SPEN: variants seen among roughly 807,000 people sequenced by gnomAD.
The protein encoded by SPEN is msx2-interacting protein.
Under a neutral mutation model 269.9 loss-of-function variants are expected in SPEN, and 18 were observed. The observed-to-expected ratio is 0.07, with a 90% CI of 0.05 to 0.10. SPEN has a LOEUF of 0.10. SPEN is among the 10% of genes least tolerant of loss of function. SPEN has a pLI of 1.00. For synonymous variants in SPEN, 1,726 were observed against 1,765.7 expected (o/e 0.98, Z 0.56); for missense variants, 3,822 against 4,631.2 (o/e 0.83, Z 5.07).
Position 15,940,340 on chromosome 1 carries a change from C to T in SPEN, c.*913C>T, listed in dbSNP as rs1009813589. 25 of 233,240 alleles carry T rather than the reference C, an allele frequency of 1.1e-4. No individual in the cohort carries two copies. The highest frequency in any genetic ancestry group is 5.1e-4 in the African/African-American group (23 of 45,436). 14.4% of individuals were successfully genotyped at this position (233,240 alleles called of 1,614,324 possible). A position where few individuals can be genotyped will look rare whatever the true frequency, so the allele number is the denominator to read the frequency against. On this transcript the variant is annotated 3_prime_UTR_variant, in exon 15 of 15. Coordinates refer to ENST00000375759, the MANE Select transcript of SPEN (RefSeq NM_015001.3). ...ACTGGCTAACCCCTCTTCCTATTAC[C>T]TTGATCTCTTCCCCCAACTTCCTAA...
chr1:15,879,795 C>G (rs907007775), intron 3 of SPEN, among the ~76,000 whole-genome samples: 1 of 151,872 alleles, frequency 6.6e-6, no homozygotes, highest in Admixed American at 6.6e-5. Flanking sequence ...CTCAGCCTCT[C>G]GAGTAGCTGG....
intron 1 of SPEN, among the ~76,000 whole-genome samples, chr1:15,859,946 C>G (rs2148704743): frequency 9.0e-6 from 1 of 110,678 alleles, no homozygotes; most frequent in South Asian, 3.1e-4. Context: ...GAGTCTTGCT[C>G]TGTCACCCAG....
Position 15,848,181 on chromosome 1 carries a change from G to C in SPEN, c.83+31G>C. The C allele has an allele frequency of 3.6e-6, 5 of 1,405,980 alleles. No homozygotes were observed. Among genetic ancestry groups the C allele is most frequent in the Non-Finnish European group, 4.7e-6 (5 of 1,054,466 alleles). 87.1% of individuals were successfully genotyped at this position (1,405,980 alleles called of 1,614,324 possible). A position where few individuals can be genotyped will look rare whatever the true frequency, so the allele number is the denominator to read the frequency against. On this transcript the variant is annotated intron_variant, in intron 1 of 14. Coordinates refer to ENST00000375759, the MANE Select transcript of SPEN (RefSeq NM_015001.3). The surrounding 1 kb of genome is among the most constrained non-coding windows in gnomAD (Gnocchi z 5.1). ...TGACACGAGGCCCGCGGCCGCGCTC[G>C]CTCCTCGGGCGCCGCTTCCCGCCCC...
chr1:15,908,360 G>A (rs1220905285), intron 3 of SPEN, among the ~76,000 whole-genome samples: 2 of 151,496 alleles, frequency 1.3e-5, no homozygotes, highest in African/African-American at 2.4e-5. Context: ...CACCACACCC[G>A]GCCCTGTTTT....
At chr1:15,903,150 GT>G (rs1389327124) in intron 3 of SPEN, among the ~76,000 whole-genome samples, 1 of 152,144 alleles carries the variant, frequency 6.6e-6, no homozygotes, top group Non-Finnish European at 1.5e-5. Context: ...ATGTAGTTCT[GT>G]TTGTAAAATG....
intron 11 of SPEN, among the ~76,000 whole-genome samples, 173 bp downstream of exon 11, chr1:15,936,439 G>C (rs938771425): frequency 2.0e-5 from 3 of 151,506 alleles, no homozygotes; most frequent in African/African-American, 7.3e-5. Flanking sequence ...CCGGGAGTTC[G>C]AGACCAGCCT....
At position 15,848,050 on chromosome 1, in the gene SPEN, G is replaced by T. The variant is rs2070291255; in HGVS notation, c.-18G>T. On this transcript the variant is annotated 5_prime_UTR_variant, in exon 1 of 15. Coordinates refer to ENST00000375759, the MANE Select transcript of SPEN (RefSeq NM_015001.3). This position sits in a 1 kb window ranked among gnomAD's most constrained non-coding sequence, Gnocchi z 5.1. ...CGAGGGGGAGCCAGCAGCGGCGGTC[G>T]CCGGCACGCCGCCCAGCATGGTCCG... The T allele has an allele frequency of 1.4e-6, 2 of 1,403,106 alleles. No individual in the cohort carries two copies. The highest frequency in any genetic ancestry group is 1.5e-5 in the African/African-American group (1 of 67,982). 86.9% of individuals were successfully genotyped at this position (1,403,106 alleles called of 1,614,324 possible).
chr1:15,932,656 G>A lies in SPEN; in HGVS notation c.6416G>A (p.Ser2139Asn). 6.2e-7 allele frequency: 1 copy of A among 1,613,570 alleles called. No homozygotes were observed. Among genetic ancestry groups the A allele is most frequent in the Non-Finnish European group, 8.5e-7 (1 of 1,179,688 alleles). ...KEDGLSSQLK[S>N]DPVDPDKEPE... ...GATGGTTTATCATCCCAGTTGAAAA[G>A]TGATCCAGTTGATCCAGACAAGGAA... is the stretch of plus-strand genomic sequence containing the variant. The change falls in exon 11 of 15, where the codon AGT becomes AAT. Residue 2139 changes from serine to asparagine, a missense_variant. Around this residue, in one of 16 missense-constraint regions of SPEN, gnomAD observed 727 missense variants for 737.9 expected, o/e 0.99. Coordinates refer to ENST00000375759, the MANE Select transcript of SPEN (RefSeq NM_015001.3). This position sits in a 1 kb window ranked among gnomAD's most constrained non-coding sequence, Gnocchi z 4.2.
In SPEN at chr1:15,867,710, G is replaced by C. The variant is rs570374771; in HGVS notation, c.84-5106G>C. On this transcript the variant is annotated intron_variant, in intron 1 of 14. Transcript: ENST00000375759. ...TTCATCCTCATTATTAGTTGTCATT[G>C]CCTTTTTTTTTTTTTTAGCTGCCCT... is the stretch of plus-strand genomic sequence containing the variant. Among the ~76,000 whole-genome samples the C allele has an allele frequency of 1.3e-4, 19 of 146,362 alleles. No individual in the cohort carries two copies. In the South Asian group the frequency reaches 4.1e-3, roughly 31 times the overall value.
Position 15,930,076 on chromosome 1 carries a change from C to T in SPEN, c.3836C>T (p.Pro1279Leu). 6.2e-7 allele frequency: 1 copy of T among 1,614,188 alleles called. No homozygotes were observed. ...FHEDEDPIGS[P>L]RLLSVKGSPK... ...GAAGATGAGGATCCCATAGGCTCCC[C>T]TAGGCTACTGTCAGTAAAAGGGTCT... The change falls in exon 11 of 15, where the codon CCT (proline) becomes CTT (leucine). Residue 1279 changes from proline to leucine, a missense_variant. By Grantham distance (98) the Pro-to-Leu change is moderately conservative. Coordinates refer to ENST00000375759, the MANE Select transcript of SPEN (RefSeq NM_015001.3). This position sits in a 1 kb window ranked among gnomAD's most constrained non-coding sequence, Gnocchi z 5.3.
Position 15,929,597 on chromosome 1 carries a change from AGAT to A in SPEN, c.3361_3363del (p.Asp1121del). The A allele has an allele frequency of 1.2e-6, 2 of 1,614,156 alleles. No individual in the cohort carries two copies. The highest frequency in any genetic ancestry group is 1.7e-6 in the Non-Finnish European group (2 of 1,180,006). On this transcript the variant is annotated inframe_deletion, in exon 11 of 15. Transcript: ENST00000375759. The surrounding 1 kb of genome is among the most constrained non-coding windows in gnomAD (Gnocchi z 5.8). ...CACAGCTCAAACAGCTGCAGGTATTAGATGATCAAGGACCAGAGAGAGAAGACG... is the reference window on the plus strand; with the variant it reads ...CACAGCTCAAACAGCTGCAGGTATTAGATCAAGGACCAGAGAGAGAAGACG...
chr1:15,863,168 G>A (rs1191325383), intron 1 of SPEN, among the ~76,000 whole-genome samples: 1 of 152,268 alleles, frequency 6.6e-6, no homozygotes, highest in East Asian at 1.9e-4. Context: ...CAGATCACTT[G>A]AACCTGGGAG....
chr1:15,921,449 C>T (rs1239102000), intron 9 of SPEN, among the ~76,000 whole-genome samples: 2 of 152,220 alleles, frequency 1.3e-5, no homozygotes, highest in Non-Finnish European at 2.9e-5. Flanking sequence ...CAATTTTATG[C>T]TCAGCTACTT....
In SPEN at chr1:15,935,576, C is replaced by T. The variant is rs1330580121; in HGVS notation, c.9336C>T (p.Ile3112=). Residue 3112 remains isoleucine, a synonymous_variant, in exon 11 of 15, where the codon ATC becomes ATT. Transcript: ENST00000375759. This position sits in a 1 kb window ranked among gnomAD's most constrained non-coding sequence, Gnocchi z 7.7. ...CGCTGCCCAGTATCACCTACAGCATCCGGCCAGAAGCGCTTCACTCTCCTC... is the reference window on the plus strand; with the variant it reads ...CGCTGCCCAGTATCACCTACAGCATTCGGCCAGAAGCGCTTCACTCTCCTC... ...TPTLPSITYS[I]RPEALHSPRA... is the part of the protein sequence containing the mutation. The T allele has an allele frequency of 3.1e-6, 5 of 1,614,100 alleles. No individual in the cohort carries two copies. Among genetic ancestry groups the T allele is most frequent in the East Asian group, 4.5e-5 (2 of 44,860 alleles).
intron 2 of SPEN, among the ~76,000 whole-genome samples, 167 bp from the exon 3 acceptor site, chr1:15,876,035 A>T (rs140026383): frequency 6.6e-6 from 1 of 152,360 alleles, no homozygotes; most frequent in East Asian, 1.9e-4. Flanking sequence ...TTTGGAGTCA[A>T]GTAAAATGTT....
chr1:15,930,305 C>A lies in SPEN; in HGVS notation c.4065C>A (p.Phe1355Leu), dbSNP rs756142392. Residue 1355 changes from phenylalanine to leucine, a missense_variant, in exon 11 of 15, where the codon TTC (phenylalanine) becomes TTA (leucine). Transcript: ENST00000375759. The surrounding 1 kb of genome is among the most constrained non-coding windows in gnomAD (Gnocchi z 5.3). Reference protein sequence around the residue: ...KQDAGRFDVSFPNSIIKRDSL... With the variant: ...KQDAGRFDVSLPNSIIKRDSL... Reference sequence around the variant, plus strand: ...ATGCTGGCAGATTTGATGTGAGTTTCCCAAACAGCATAATTAAGAGAGATA... The same window carrying A: ...ATGCTGGCAGATTTGATGTGAGTTTACCAAACAGCATAATTAAGAGAGATA... The A allele has an allele frequency of 6.2e-7, 1 of 1,614,018 alleles. No individual in the cohort carries two copies. The highest frequency in any genetic ancestry group is 8.5e-7 in the Non-Finnish European group (1 of 1,180,034).
chr1:15,848,218 G>C lies in SPEN; in HGVS notation c.83+68G>C. 1 of 1,180,168 alleles carries C rather than the reference G, an allele frequency of 8.5e-7. No individual in the cohort carries two copies. Among genetic ancestry groups the C allele is most frequent in the Non-Finnish European group, 1.2e-6 (1 of 867,890 alleles). The allele number at this position is 1,180,168 out of a possible 1,614,324, so 73.1% of individuals were successfully genotyped here. A position where few individuals can be genotyped will look rare whatever the true frequency, so the allele number is the denominator to read the frequency against. On this transcript the variant is annotated intron_variant, in intron 1 of 14. Transcript: ENST00000375759. The surrounding 1 kb of genome is among the most constrained non-coding windows in gnomAD (Gnocchi z 5.1). The stretch of plus-strand genomic sequence containing the variant: ...CCGCTTCCCGCCCCGGCCCGTTGCC[G>C]GCCCCTCCCGGAGCGCGGAGCTGGT...
At chr1:15,874,172 G>A (rs755563210) in intron 2 of SPEN, 3 of 1,366,388 alleles carry the variant, frequency 2.2e-6, no homozygotes, top group Non-Finnish European at 2.9e-6. Context: ...CTGGGGGTTT[G>A]AGAGTTACAG....
At chr1:15,927,393 C>A (rs1182268812) in intron 10 of SPEN, among the ~76,000 whole-genome samples, 1 of 152,138 alleles carries the variant, frequency 6.6e-6, no homozygotes, top group Non-Finnish European at 1.5e-5. Flanking sequence ...GGAAAAGCTG[C>A]CATTTTATGA....
Sources: allele counts gnomAD v4.1 joint callset (sites outside exome capture counted in the v4.1 genomes callset), GRCh38; gene constraint gnomAD v4.1.1; regional missense constraint gnomAD v4.1.1; non-coding constraint Gnocchi (gnomAD v3.1); transcripts MANE v1.5; gene names NCBI Gene and HGNC (gene_info 2026-07-23, HGNC 2026-07-21).